SPIN1: variants seen among roughly 807,000 people sequenced by gnomAD.
The protein encoded by SPIN1 is spindlin 1.
Under a neutral mutation model 26.0 loss-of-function variants are expected in SPIN1, and 3 were observed. The observed-to-expected ratio is 0.12, with a 90% CI of 0.05 to 0.30. The LOEUF (loss-of-function observed/expected upper bound fraction) is 0.30, where lower values mean the gene tolerates loss of function less well. SPIN1 is among the 10% of genes least tolerant of loss of function. The probability of loss-of-function intolerance (pLI) is 1.00; values close to 1 mark genes in which losing one functional copy is unlikely to be tolerated. For synonymous variants in SPIN1, 101 were observed against 116.5 expected (o/e 0.87, Z 0.86); for missense variants, 126 against 333.4 (o/e 0.38, Z 4.84).
chr9:88,452,209 T>C (rs73652566), intron 3 of SPIN1, among the ~76,000 whole-genome samples: 4,011 of 152,232 alleles, frequency 0.026, 179 homozygotes, highest in African/African-American at 0.092. Context: ...GATAGCCCTG[T>C]CAAGTAGGAA....
At chr9:88,431,044 G>A (rs951054870) in intron 2 of SPIN1, among the ~76,000 whole-genome samples, 2 of 151,844 alleles carry the variant, frequency 1.3e-5, no homozygotes, top group African/African-American at 4.8e-5. Flanking sequence ...CACCACACTC[G>A]GCTAACTTTT....
At chr9:88,403,376 A>G (rs1262059060) in intron 1 of SPIN1, among the ~76,000 whole-genome samples, 1 of 152,142 alleles carries the variant, frequency 6.6e-6, no homozygotes, top group Non-Finnish European at 1.5e-5. Flanking sequence ...TGCTTTATAC[A>G]TTATCTTATG....
chr9:88,470,650 A>G (rs987196434), intron 5 of SPIN1, among the ~76,000 whole-genome samples: 3 of 148,440 alleles, frequency 2.0e-5, no homozygotes, highest in Non-Finnish European at 3.0e-5. Flanking sequence ...GCTGGAGTGC[A>G]TTGGCGTGAT....
At chr9:88,466,566 A>AT (rs1448274455) in intron 4 of SPIN1, among the ~76,000 whole-genome samples, 1 of 152,068 alleles carries the variant, frequency 6.6e-6, no homozygotes, top group East Asian at 1.9e-4. Context: ...ATTCTGTGTA[A>AT]TTTTTTATTA....
intron 1 of SPIN1, among the ~76,000 whole-genome samples, chr9:88,414,195 C>T (rs1398775934): frequency 6.6e-6 from 1 of 152,146 alleles, no homozygotes; most frequent in Admixed American, 6.6e-5. Context: ...TGGTGCTTAA[C>T]TACATCAGCA....
chr9:88,437,153 C>T (rs116040280), intron 2 of SPIN1, among the ~76,000 whole-genome samples: 2,939 of 152,102 alleles, frequency 0.019, 72 homozygotes, highest in African/African-American at 0.063. Flanking sequence ...TTTATCCATT[C>T]ACCTATTGAA....
At chr9:88,469,831 T>C (rs1828741701) in intron 5 of SPIN1, among the ~76,000 whole-genome samples, 1 of 152,168 alleles carries the variant, frequency 6.6e-6, no homozygotes, top group Non-Finnish European at 1.5e-5. Flanking sequence ...ATTACGACCA[T>C]GTTAGTCCAT....
chr9:88,447,662 TC>T (rs1475968523), intron 2 of SPIN1, among the ~76,000 whole-genome samples: 2 of 152,184 alleles, frequency 1.3e-5, no homozygotes, highest in Non-Finnish European at 2.9e-5. Flanking sequence ...ACTTAAGACA[TC>T]CTCCCCCAAA....
At chr9:88,411,957 G>A (rs1827456577) in intron 1 of SPIN1, among the ~76,000 whole-genome samples, 1 of 151,670 alleles carries the variant, frequency 6.6e-6, no homozygotes, top group African/African-American at 2.4e-5. Context: ...AGATCACGAG[G>A]TCAGGAGATC....
intron 2 of SPIN1, among the ~76,000 whole-genome samples, chr9:88,437,438 C>A (rs1034261820): frequency 6.6e-6 from 1 of 151,430 alleles, no homozygotes; most frequent in African/African-American, 2.4e-5. Context: ...GGAGAAGCTT[C>A]AGTGAGCACT....
chr9:88,440,907 C>T (rs1417797346), intron 2 of SPIN1, among the ~76,000 whole-genome samples: 1 of 151,486 alleles, frequency 6.6e-6, no homozygotes, highest in African/African-American at 2.4e-5. Context: ...CCTCCCTTCC[C>T]CTCCCCTTTG....
chr9:88,428,611 G>A (rs1827805165), intron 2 of SPIN1, among the ~76,000 whole-genome samples: 1 of 152,140 alleles, frequency 6.6e-6, no homozygotes. Flanking sequence ...GTGTAATATG[G>A]TATAAGTAAC....
intron 2 of SPIN1, 117 bp from the exon 3 acceptor site, chr9:88,448,824 A>G (rs1828304427): frequency 7.9e-6 from 6 of 755,102 alleles, no homozygotes; most frequent in Non-Finnish European, 1.3e-5. Context: ...GTTTGCTGGT[A>G]GTGGTGTATT....
intron 1 of SPIN1, among the ~76,000 whole-genome samples, chr9:88,398,906 T>C (rs1158267999): frequency 6.6e-6 from 1 of 151,480 alleles, no homozygotes. Context: ...CAGGATCACA[T>C]AAGGTTTAGA....
chr9:88,464,630 A>G (rs1015672201), intron 4 of SPIN1, among the ~76,000 whole-genome samples: 1 of 152,196 alleles, frequency 6.6e-6, no homozygotes, highest in East Asian at 1.9e-4. Context: ...GTTTCCCACT[A>G]TCTATTTGGA....
intron 2 of SPIN1, among the ~76,000 whole-genome samples, chr9:88,447,370 C>T (rs75546872): frequency 0.013 from 1,965 of 152,232 alleles, 23 homozygotes; most frequent in Middle Eastern, 0.054. Flanking sequence ...GAGTTACAAT[C>T]TGCTACTTTT....
chr9:88,450,703 A>T (rs938404935), intron 3 of SPIN1, among the ~76,000 whole-genome samples: 13 of 152,338 alleles, frequency 8.5e-5, no homozygotes, highest in Admixed American at 7.8e-4. Flanking sequence ...TGAAGACTGG[A>T]AGCCTTGAGC....
chr9:88,439,875 T>A (rs920451256), intron 2 of SPIN1, among the ~76,000 whole-genome samples: 2 of 152,222 alleles, frequency 1.3e-5, no homozygotes, highest in Admixed American at 1.3e-4. Context: ...TCTTTATAGT[T>A]AAAGTGGATT....
At chr9:88,432,270 A>G (rs200134285) in intron 2 of SPIN1, among the ~76,000 whole-genome samples, 18 of 141,096 alleles carry the variant, frequency 1.3e-4, no homozygotes, top group East Asian at 1.1e-3. Flanking sequence ...GCTCACTGCA[A>G]CCTCCACCTC....
Sources: gnomAD v4.1 joint callset for allele counts (sites outside exome capture counted in the v4.1 genomes callset) on GRCh38, gnomAD v4.1.1 for gene constraint, MANE v1.5 for transcripts, NCBI Gene and HGNC (gene_info 2026-07-23, HGNC 2026-07-21) for gene names.